VWA8: variants seen among roughly 807,000 people sequenced by gnomAD.
The protein encoded by VWA8 is von Willebrand factor A domain-containing protein 8.
In VWA8, 221 loss-of-function variants were observed where a neutral mutation model predicts 241.5. The observed-to-expected ratio is 0.91, with a 90% CI of 0.82 to 1.02. The LOEUF (loss-of-function observed/expected upper bound fraction) is 1.02, where lower values mean the gene tolerates loss of function less well. Ranked by LOEUF, VWA8 falls within the 50% of genes least tolerant of loss-of-function variation. The pLI is 0.00. For missense variants in VWA8, 2,322 were observed against 2,328.7 expected, an observed-to-expected ratio of 1.00 and a Z score of 0.06; for synonymous variants, 852 against 827.1, an observed-to-expected ratio of 1.03 and a Z score of -0.52.
intron 33 of VWA8, 127 bp downstream of exon 33, chr13:41,690,039 G>A: frequency 1.5e-6 from 1 of 687,864 alleles, no homozygotes; most frequent in Non-Finnish European, 2.3e-6. Flanking sequence ...CTGGTGTAGT[G>A]ACTAAGTTTT....
intron 42 of VWA8, among the ~76,000 whole-genome samples, chr13:41,584,476 G>T (rs1007383597): frequency 1.3e-5 from 2 of 152,100 alleles, no homozygotes; most frequent in African/African-American, 2.4e-5. Flanking sequence ...CACTCACCCA[G>T]GTATCAATTT....
intron 37 of VWA8, among the ~76,000 whole-genome samples, chr13:41,639,770 G>C (rs1047379695): frequency 2.6e-5 from 4 of 152,162 alleles, no homozygotes; most frequent in African/African-American, 9.7e-5. Flanking sequence ...CTACTTGAGA[G>C]TCGGCGGTGG....
At chr13:41,918,609 A>C (rs1876368552) in intron 2 of VWA8, among the ~76,000 whole-genome samples, 1 of 152,198 alleles carries the variant, frequency 6.6e-6, no homozygotes, top group Non-Finnish European at 1.5e-5. Context: ...TCTGAATGAC[A>C]AAAATATATT....
At chr13:41,716,949 A>G (rs1362029691) in intron 26 of VWA8, among the ~76,000 whole-genome samples, 2 of 151,790 alleles carry the variant, frequency 1.3e-5, no homozygotes, top group Non-Finnish European at 2.9e-5. Context: ...TTGGCGGTCT[A>G]TGTGATTACC....
intron 17 of VWA8, among the ~76,000 whole-genome samples, chr13:41,808,941 C>T (rs766007853): frequency 1.3e-5 from 2 of 150,970 alleles, no homozygotes; most frequent in Non-Finnish European, 3.0e-5. Flanking sequence ...ATACAAAAAT[C>T]AGTAGCGCTT....
At chr13:41,693,068 T>C (rs1000196273) in intron 29 of VWA8, 96 bp from the exon 30 acceptor site, 1 of 726,430 alleles carries the variant, frequency 1.4e-6, no homozygotes, top group Non-Finnish European at 2.2e-6. Flanking sequence ...GTGAAGGTTA[T>C]AGTGATAAAT....
chr13:41,787,292 A>G, intron 18 of VWA8, 145 bp downstream of exon 18: 1 of 608,102 alleles, frequency 1.6e-6, no homozygotes, highest in Non-Finnish European at 2.8e-6. Context: ...AATCAGATTC[A>G]TTTCTTCAAA....
At chr13:41,797,928 G>A (rs1044760825) in intron 17 of VWA8, among the ~76,000 whole-genome samples, 1 of 152,082 alleles carries the variant, frequency 6.6e-6, no homozygotes, top group Non-Finnish European at 1.5e-5. Context: ...ATTATTTCAT[G>A]TTTACTCTTT....
chr13:41,684,793 C>G (rs1306361929), intron 35 of VWA8, among the ~76,000 whole-genome samples: 1 of 152,120 alleles, frequency 6.6e-6, no homozygotes, highest in Non-Finnish European at 1.5e-5. Context: ...GTGAAAACAT[C>G]TTTTAGGTAA....
In VWA8 at chr13:41,924,884, T is replaced by C. The variant is rs79456227; in HGVS notation, c.242-12716A>G. Among the ~76,000 whole-genome samples, 923 of 152,224 alleles carry C rather than the reference T, an allele frequency of 6.1e-3. 6 individuals carry two copies. Among genetic ancestry groups the C allele is most frequent in the African/African-American group, 0.021 (876 of 41,498 alleles). Reference sequence around the variant, plus strand: ...CCATTAACTCATCATTTCCCAAGTATTGGAAGATATATGGACATCAGATTC... The same window carrying C: ...CCATTAACTCATCATTTCCCAAGTACTGGAAGATATATGGACATCAGATTC... On this transcript the variant is annotated intron_variant, in intron 2 of 44. Transcript: ENST00000379310.
chr13:41,859,847 G>A (rs1208579165), intron 12 of VWA8, among the ~76,000 whole-genome samples: 1 of 152,150 alleles, frequency 6.6e-6, no homozygotes, highest in Admixed American at 6.5e-5. Flanking sequence ...AAAAACCACA[G>A]ATTAAGTGTA....
intron 26 of VWA8, among the ~76,000 whole-genome samples, chr13:41,703,777 A>ATTTTTTTTTTTTTTTTTTTTTCTTTTTT (rs755091767): frequency 7.5e-6 from 1 of 134,060 alleles, no homozygotes; most frequent in Admixed American, 7.5e-5. Context: ...TTTTCAGTCT[A>ATTTTTTTTTTTTTTTTTTTTTCTTTTTT]TTTTTTTTTT....
At position 41,960,832 on chromosome 13, in the gene VWA8, CA is replaced by C. The variant is rs1328388864; in HGVS notation, c.163+20del. 2.6e-6 allele frequency: 4 copies of C among 1,514,490 alleles called. No individual in the cohort carries two copies. Among genetic ancestry groups the C allele is most frequent in the African/African-American group, 1.4e-5 (1 of 69,986 alleles). The allele number at this position is 1,514,490 out of a possible 1,614,324, so 93.8% of individuals were successfully genotyped here. On this transcript the variant is annotated intron_variant, in intron 1 of 44. Transcript: ENST00000379310. Reference sequence around the variant, plus strand: ...CGGAGCGCAGGGGCACCAGGGAGGACAGGGGCGCACCCCGAGTTACCTGTGT... The same window carrying C: ...CGGAGCGCAGGGGCACCAGGGAGGACGGGGCGCACCCCGAGTTACCTGTGT...
At chr13:41,596,788 T>TACACACACACACACACACACAC (rs142774673) in intron 40 of VWA8, among the ~76,000 whole-genome samples, 3 of 136,930 alleles carry the variant, frequency 2.2e-5, no homozygotes, top group Non-Finnish European at 4.8e-5. Context: ...AACCAGAAAG[T>TACACACACACACACACACACAC]ACACACACAC....
At chr13:41,695,095 G>A (rs1165499009) in intron 29 of VWA8, among the ~76,000 whole-genome samples, 3 of 152,096 alleles carry the variant, frequency 2.0e-5, no homozygotes, top group African/African-American at 7.2e-5. Flanking sequence ...TGTAACTGTG[G>A]CTTTGGCACT....
At chr13:41,771,250 G>A (rs1013755550) in intron 20 of VWA8, among the ~76,000 whole-genome samples, 1 of 152,082 alleles carries the variant, frequency 6.6e-6, no homozygotes, top group African/African-American at 2.4e-5. Flanking sequence ...AGCTTCCTAA[G>A]TAGCTGGGAT....
intron 21 of VWA8, among the ~76,000 whole-genome samples, chr13:41,738,833 G>C (rs2045545269): frequency 6.6e-6 from 1 of 152,034 alleles, no homozygotes; most frequent in African/African-American, 2.4e-5. Flanking sequence ...ATGAAATAAG[G>C]ATAAAAATAC....
intron 14 of VWA8, among the ~76,000 whole-genome samples, chr13:41,820,137 C>G (rs1226923438): frequency 6.6e-6 from 1 of 152,118 alleles, no homozygotes; most frequent in African/African-American, 2.4e-5. Flanking sequence ...GTATCAGAAT[C>G]TTAATCATGT....
intron 1 of VWA8, among the ~76,000 whole-genome samples, chr13:41,959,812 G>C (rs917225345): frequency 1.3e-5 from 2 of 151,626 alleles, no homozygotes; most frequent in African/African-American, 2.4e-5. Flanking sequence ...GTTTCACCGT[G>C]TTAGCCAGGA....
Sources: gnomAD v4.1 joint callset for allele counts (sites outside exome capture counted in the v4.1 genomes callset) on GRCh38, gnomAD v4.1.1 for gene constraint, MANE v1.5 for transcripts, NCBI Gene and HGNC (gene_info 2026-07-23, HGNC 2026-07-21) for gene names.